The following DESI1 variants were observed in gnomAD, a reference collection of about 807,000 sequenced individuals.
DESI1 encodes the protein desumoylating isopeptidase 1, also known as PPPDE peptidase domain containing 2.
Under a neutral mutation model 22.4 loss-of-function variants are expected in DESI1, and 17 were observed. That is an observed-to-expected ratio of 0.76 (90% CI 0.52 to 1.14). DESI1 has a LOEUF of 1.14. Among genes scored for constraint, DESI1 ranks in the 50% most tolerant of loss-of-function variants. The pLI, the probability that DESI1 is intolerant of heterozygous loss-of-function variation, is 0.00. For synonymous variants in DESI1, 92 were observed against 84.2 expected (o/e 1.09, Z -0.51); for missense variants, 177 against 208.9 (o/e 0.85, Z 0.94).
chr22:41,612,246 C>T (rs1052734098), intron 1 of DESI1, among the ~76,000 whole-genome samples: 2 of 151,972 alleles, frequency 1.3e-5, no homozygotes, highest in African/African-American at 4.8e-5. Context: ...TAGTGGCTCA[C>T]GCCTGTAATC....
At chr22:41,606,196 TA>T (rs543388572) in intron 3 of DESI1, among the ~76,000 whole-genome samples, 295 of 151,876 alleles carry the variant, frequency 1.9e-3, no homozygotes, top group Middle Eastern at 6.8e-3. Flanking sequence ...ATCCTATCTC[TA>T]AAAAAATAGA....
chr22:41,615,634 C>T (rs971321857), intron 1 of DESI1, among the ~76,000 whole-genome samples: 2 of 152,136 alleles, frequency 1.3e-5, no homozygotes, highest in African/African-American at 4.8e-5. Context: ...ATAAATTTTA[C>T]TTAATCTTCA....
intron 5 of DESI1, chr22:41,602,244 T>C: frequency 1.0e-6 from 1 of 985,384 alleles, no homozygotes; most frequent in South Asian, 4.7e-5. Flanking sequence ...CCTAGAAATA[T>C]CAAACCTAAT....
chr22:41,617,576 A>G (rs1601516950), intron 1 of DESI1, among the ~76,000 whole-genome samples: 2 of 152,256 alleles, frequency 1.3e-5, no homozygotes, highest in East Asian at 3.8e-4. Flanking sequence ...AATCAGTAAG[A>G]CCATGCCTAT....
chr22:41,608,297 A>G (rs895681923), intron 1 of DESI1, among the ~76,000 whole-genome samples: 11 of 152,228 alleles, frequency 7.2e-5, no homozygotes, highest in African/African-American at 2.7e-4. Context: ...AAAGCACGTT[A>G]TTCTACCTCT....
chr22:41,617,288 C>G (rs933277931), intron 1 of DESI1, among the ~76,000 whole-genome samples: 8 of 152,152 alleles, frequency 5.3e-5, no homozygotes, highest in African/African-American at 1.9e-4. Flanking sequence ...TTCTCAGGTT[C>G]TTCAATCAAG....
chr22:41,617,703 G>A (rs566651119), intron 1 of DESI1, among the ~76,000 whole-genome samples: 274 of 152,378 alleles, frequency 1.8e-3, no homozygotes, highest in African/African-American at 6.4e-3. Flanking sequence ...GAAGACAGAA[G>A]TAGATTAGCA....
At chr22:41,607,949 G>A in intron 1 of DESI1, 88 bp from the exon 2 acceptor site, 1 of 1,483,058 alleles carries the variant, frequency 6.7e-7, no homozygotes, top group Non-Finnish European at 9.4e-7. Context: ...CTCAAACCCA[G>A]GGTAACCTGT....
rs1280725684 is a variant in DESI1, at chr22:41,602,169, G to A, written c.414-979C>T. On this transcript the variant is annotated intron_variant, in intron 5 of 5. Coordinates refer to ENST00000263256, the MANE Select transcript of DESI1 (RefSeq NM_015704.3). ...ACTGGCTTTTTCTTCAGTGGATACTGCCATTTTTGAAAATCATCTCCAAGT... is the reference window on the plus strand; with the variant it reads ...ACTGGCTTTTTCTTCAGTGGATACTACCATTTTTGAAAATCATCTCCAAGT... 4.1e-6 allele frequency: 4 copies of A among 973,768 alleles called. No individual in the cohort carries two copies. The East Asian group carries it at 3.4e-4, about 83-fold the overall frequency. The allele number at this position is 973,768 out of a possible 1,614,324, so 60.3% of individuals were successfully genotyped here. A position where few individuals can be genotyped will look rare whatever the true frequency, so the allele number is the denominator to read the frequency against.
Position 41,620,853 on chromosome 22 carries a change from G to C in DESI1, c.-14C>G. 1 of 1,599,872 alleles carries C rather than the reference G, an allele frequency of 6.3e-7. No individual in the cohort carries two copies. Among genetic ancestry groups the C allele is most frequent in the Non-Finnish European group, 8.5e-7 (1 of 1,173,854 alleles). On this transcript the variant is annotated 5_prime_UTR_variant, in exon 1 of 6. Transcript: ENST00000263256. ...CGGCGGCTCCATTGGGACCCGTGGC[G>C]ACGGCGGCCACGACGGCCCTCGGGC... is the stretch of plus-strand genomic sequence containing the variant.
rs986344478 is a variant in DESI1 at position 41,602,287 on chromosome 22, A to C, written c.413+972T>G. 7.2e-5 allele frequency: 71 copies of C among 985,454 alleles called. No homozygotes were observed. In the African/African-American group the frequency reaches 1.2e-3, roughly 16 times the overall value. 61.0% of individuals were successfully genotyped at this position (985,454 alleles called of 1,614,324 possible). A position where few individuals can be genotyped will look rare whatever the true frequency, so the allele number is the denominator to read the frequency against. On this transcript the variant is annotated intron_variant, in intron 5 of 5. Transcript: ENST00000263256. ...ATTCCAGGAACTCCACCCATAAAAT[A>C]ATAACAGCAAGCACATTCTGGCTAC...
chr22:41,618,380 C>G (rs989431059), intron 1 of DESI1, among the ~76,000 whole-genome samples: 2 of 150,318 alleles, frequency 1.3e-5, no homozygotes, highest in African/African-American at 4.9e-5. Flanking sequence ...AAAAAGGTCT[C>G]TCTTGTTATT....
chr22:41,607,148 T>C, intron 3 of DESI1, 114 bp downstream of exon 3: 2 of 978,360 alleles, frequency 2.0e-6, no homozygotes, highest in South Asian at 4.3e-5. Context: ...AGCCAAGTCT[T>C]CAGGTGGCTT....
intron 1 of DESI1, 63 bp downstream of exon 1, chr22:41,620,689 G>C (rs755072088): frequency 5.6e-5 from 84 of 1,507,204 alleles, no homozygotes; most frequent in Non-Finnish European, 7.3e-5. Context: ...TCCCCACCTC[G>C]GCCAGCCGCC....
At chr22:41,607,812 T>G in intron 2 of DESI1, 28 bp downstream of exon 2, 1 of 1,614,046 alleles carries the variant, frequency 6.2e-7, no homozygotes, top group Non-Finnish European at 8.5e-7. Flanking sequence ...TCAAAACTAG[T>G]CAAAGTAAGG....
chr22:41,609,666 C>G (rs1388687050), intron 1 of DESI1, among the ~76,000 whole-genome samples: 1 of 151,984 alleles, frequency 6.6e-6, no homozygotes, highest in Non-Finnish European at 1.5e-5. Context: ...GGTGTGGTGG[C>G]ATGCACCTGT....
At chr22:41,616,655 ATAGCT>A (rs1313747135) in intron 1 of DESI1, among the ~76,000 whole-genome samples, 2 of 152,158 alleles carry the variant, frequency 1.3e-5, no homozygotes, top group Non-Finnish European at 2.9e-5. Flanking sequence ...GACACTTATA[ATAGCT>A]AATTATTTTA....
chr22:41,619,239 A>G (rs1446573727), intron 1 of DESI1, among the ~76,000 whole-genome samples: 2 of 152,234 alleles, frequency 1.3e-5, no homozygotes, highest in Non-Finnish European at 2.9e-5. Context: ...GAATTAGCTG[A>G]TAAGCTCATT....
intron 1 of DESI1, among the ~76,000 whole-genome samples, chr22:41,613,472 CA>C (rs1461820304): frequency 2.0e-5 from 3 of 152,224 alleles, no homozygotes; most frequent in African/African-American, 7.2e-5. Context: ...TCCTTCTCCC[CA>C]GTTAGACTAC....
Sources: gnomAD v4.1 joint callset for allele counts (sites outside exome capture counted in the v4.1 genomes callset) on GRCh38, gnomAD v4.1.1 for gene constraint, MANE v1.5 for transcripts, NCBI Gene and HGNC (gene_info 2026-07-23, HGNC 2026-07-21) for gene names.